Variants in EML5 observed in about 807,000 individuals in gnomAD.
EML5 encodes EMAP like 5.
In EML5, 120 loss-of-function variants were observed where a neutral mutation model predicts 250.0. That is an observed-to-expected ratio of 0.48 (90% CI 0.41 to 0.56). EML5 has a LOEUF of 0.56. Among genes scored for constraint, EML5 ranks in the 20% least tolerant of loss-of-function variants. EML5 has a pLI of 0.00. For missense variants in EML5, 2,006 were observed against 2,437.6 expected (o/e 0.82, Z 3.73); for synonymous variants, 771 against 806.5 (o/e 0.96, Z 0.75).
At chr14:88,691,281 T>A (rs2141281074) in intron 17 of EML5, among the ~76,000 whole-genome samples, 1 of 152,282 alleles carries the variant, frequency 6.6e-6, no homozygotes, top group Non-Finnish European at 1.5e-5. Context: ...GCAGACAGAA[T>A]GTCTAATGGC....
intron 21 of EML5, among the ~76,000 whole-genome samples, chr14:88,673,454 T>C (rs907455494): frequency 1.9e-4 from 29 of 152,232 alleles, no homozygotes; most frequent in Admixed American, 1.3e-4. Flanking sequence ...GCATTCCCCT[T>C]GAAAACCAGC....
At chr14:88,661,893 A>T in intron 24 of EML5, 63 bp from the exon 25 acceptor site, 1 of 1,383,616 alleles carries the variant, frequency 7.2e-7, no homozygotes, top group Non-Finnish European at 9.8e-7. Context: ...AACAACCAAA[A>T]TGTAAACATT....
intron 21 of EML5, among the ~76,000 whole-genome samples, chr14:88,668,771 T>A (rs1474442660): frequency 1.3e-5 from 2 of 152,092 alleles, no homozygotes; most frequent in African/African-American, 4.8e-5. Flanking sequence ...ATAGTAAGTA[T>A]CCTTTAAAAT....
intron 1 of EML5, among the ~76,000 whole-genome samples, chr14:88,755,992 G>A (rs1433296674): frequency 6.6e-6 from 1 of 152,094 alleles, no homozygotes; most frequent in African/African-American, 2.4e-5. Context: ...TTCCAGCCTG[G>A]GCTTCTGGGC....
chr14:88,660,091 C>T (rs1163829196), intron 25 of EML5, among the ~76,000 whole-genome samples: 1 of 151,948 alleles, frequency 6.6e-6, no homozygotes, highest in Non-Finnish European at 1.5e-5. Context: ...GCATAGGCAA[C>T]ATCTGGAGAC....
In EML5 at chr14:88,696,878, G is replaced by A. The variant is rs1314074321; in HGVS notation, c.2313C>T (p.His771=). 2 of 1,609,852 alleles carry A rather than the reference G, an allele frequency of 1.2e-6. No homozygotes were observed. The highest frequency in any genetic ancestry group is 2.7e-5 in the African/African-American group (2 of 74,758). Residue 771 remains histidine (H), a synonymous_variant, in exon 15 of 44, where the codon CAC becomes CAT. Transcript: ENST00000554922. ...IKPLSILKGH[H]QYGVSAVDFS... is the part of the protein sequence containing the mutation. ...AATCAACGGCACTAACACCATACTG[G>A]TGGTGGCCCTTTAATATGGACAATG...
chr14:88,622,671 C>T lies in EML5; in HGVS notation c.4946G>A (p.Arg1649Gln), dbSNP rs1433220816. 1.9e-5 allele frequency: 31 copies of T among 1,610,410 alleles called. No homozygotes were observed. Among genetic ancestry groups the T allele is most frequent in the South Asian group, 4.4e-5 (4 of 90,144 alleles). ...AVKLWDQELR[R>Q]CRAFRLETGQ... ...TGTCTCAAGCCTGAAGGCACGGCAC[C>T]GCCTCAGTTCCTGATCCCACAGTTT... Residue 1649 changes from arginine to glutamine, a missense_variant, in exon 37 of 44, where the codon CGG becomes CAG. This residue lies in a region of EML5 where 405 missense variants were observed against 523.3 expected (regional missense o/e 0.77). Coordinates refer to ENST00000554922, the MANE Select transcript of EML5 (RefSeq NM_183387.3).
At chr14:88,716,301 C>CT (rs1465741844) in intron 8 of EML5, among the ~76,000 whole-genome samples, 2 of 152,000 alleles carry the variant, frequency 1.3e-5, no homozygotes, top group African/African-American at 4.8e-5. Context: ...AGCTTCTGTA[C>CT]TTTTTTTTAA....
chr14:88,694,454 T>C lies in EML5; in HGVS notation c.2439-47A>G, dbSNP rs1408873135. 3.1e-6 allele frequency: 4 copies of C among 1,292,058 alleles called. No individual in the cohort carries two copies. The South Asian group carries it at 4.0e-5, about 13-fold the overall frequency. 80.0% of individuals were successfully genotyped at this position (1,292,058 alleles called of 1,614,324 possible). Reference sequence around the variant, plus strand: ...TTTAGCTCTGAAGATTCATCATTCCTGTATTAATCTCTTGCCTAATCCATA... The same window carrying C: ...TTTAGCTCTGAAGATTCATCATTCCCGTATTAATCTCTTGCCTAATCCATA... On this transcript the variant is annotated intron_variant, in intron 16 of 43. Coordinates refer to ENST00000554922, the MANE Select transcript of EML5 (RefSeq NM_183387.3).
chr14:88,686,443 C>T, intron 19 of EML5, among the ~76,000 whole-genome samples: 1 of 151,652 alleles, frequency 6.6e-6, no homozygotes, highest in Non-Finnish European at 1.5e-5. Flanking sequence ...GAAAATGCAC[C>T]CTCTGGGCCC....
chr14:88,725,845 G>A (rs962519290), intron 8 of EML5, among the ~76,000 whole-genome samples: 16 of 152,144 alleles, frequency 1.1e-4, no homozygotes, highest in Non-Finnish European at 4.4e-5. Context: ...AGCTATCTCA[G>A]AAGTAGACTC....
intron 8 of EML5, among the ~76,000 whole-genome samples, chr14:88,724,010 C>T (rs2093628722): frequency 6.6e-6 from 1 of 151,992 alleles, no homozygotes; most frequent in Admixed American, 6.6e-5. Context: ...GTAGCTCACG[C>T]CTGTAATCCC....
chr14:88,742,515 T>C (rs1178591791), intron 4 of EML5, among the ~76,000 whole-genome samples: 3 of 152,200 alleles, frequency 2.0e-5, no homozygotes, highest in Admixed American at 1.3e-4. Flanking sequence ...TATAAAAATA[T>C]AGTTTATTTA....
chr14:88,663,055 T>A lies in EML5; in HGVS notation c.3474A>T (p.Lys1158Asn), dbSNP rs1567084711. The A allele has an allele frequency of 6.4e-7, 1 of 1,553,354 alleles. No individual in the cohort carries two copies. The highest frequency in any genetic ancestry group is 2.4e-5 in the East Asian group (1 of 41,308). Reference protein sequence around the residue: ...EQLFFEAPRGKKQTIPSVEVE... With the variant: ...EQLFFEAPRGNKQTIPSVEVE... ...CCTCCACGCTGGGGATGGTTTGTTT[T>A]TTCCCTCTGGGAGCTTCAAAGAATA... Residue 1158 changes from lysine to asparagine, a missense_variant, in exon 24 of 44, where the codon AAA (lysine) becomes AAT (asparagine). By Grantham distance (94) the Lys-to-Asn change is moderately conservative. Around this residue, in one of 7 missense-constraint regions of EML5, gnomAD observed 1,375 missense variants for 1,590.3 expected, o/e 0.86. Coordinates refer to ENST00000554922, the MANE Select transcript of EML5 (RefSeq NM_183387.3).
chr14:88,767,981 T>C (rs1595835714), intron 1 of EML5, among the ~76,000 whole-genome samples: 1 of 152,184 alleles, frequency 6.6e-6, no homozygotes, highest in East Asian at 1.9e-4. Context: ...CTTAGCAACT[T>C]CCAGTCTCTA....
At chr14:88,681,696 A>G (rs1159402242) in intron 21 of EML5, among the ~76,000 whole-genome samples, 194 bp downstream of exon 21, 1 of 152,196 alleles carries the variant, frequency 6.6e-6, no homozygotes, top group Non-Finnish European at 1.5e-5. Flanking sequence ...AGGCATGATG[A>G]TAGGAGGTCC....
In EML5 at chr14:88,772,580, C is replaced by T. The variant is rs550251981; in HGVS notation, c.198-17909G>A. ...CCAGACTGGCCAACGTGGTGAAACC[C>T]GTCTCTACTACAGACACAAAAAATT... On this transcript the variant is annotated intron_variant, in intron 1 of 43. Coordinates refer to ENST00000554922, the MANE Select transcript of EML5 (RefSeq NM_183387.3). Among the ~76,000 whole-genome samples, 9 of 152,174 alleles carry T rather than the reference C, an allele frequency of 5.9e-5. No homozygotes were observed. The South Asian group carries it at 6.2e-4, about 11-fold the overall frequency.
chr14:88,791,625 G>A (rs1240689013), intron 1 of EML5, among the ~76,000 whole-genome samples: 1 of 152,198 alleles, frequency 6.6e-6, no homozygotes, highest in African/African-American at 2.4e-5. Flanking sequence ...AAATACAAAA[G>A]TAGCTTATTT....
chr14:88,648,358 T>A (rs2091454930), intron 28 of EML5, among the ~76,000 whole-genome samples: 1 of 152,056 alleles, frequency 6.6e-6, no homozygotes, highest in African/African-American at 2.4e-5. Context: ...GAATAATAAT[T>A]ATTATATTTT....
Sources: allele counts gnomAD v4.1 joint callset (sites outside exome capture counted in the v4.1 genomes callset), GRCh38; gene constraint gnomAD v4.1.1; regional missense constraint gnomAD v4.1.1; transcripts MANE v1.5; gene names NCBI Gene and HGNC (gene_info 2026-07-23, HGNC 2026-07-21).